Variants in ANTXRL observed in about 807,000 individuals in gnomAD.
ANTXRL encodes ANTXR like.
Under a neutral mutation model 75.4 loss-of-function variants are expected in ANTXRL, and 63 were observed. That is an observed-to-expected ratio of 0.84 (90% confidence interval 0.68 to 1.03). The LOEUF is 1.03. Ranked by LOEUF, ANTXRL falls within the 50% of genes least tolerant of loss-of-function variation. ANTXRL has a pLI of 0.00. For synonymous variants in ANTXRL, 335 were observed against 291.3 expected, an observed-to-expected ratio of 1.15 and a Z score of -1.53; for missense variants, 797 against 789.4, an observed-to-expected ratio of 1.01 and a Z score of -0.12.
At chr10:46,322,668 G>A (rs2132903049) in intron 16 of ANTXRL, among the ~76,000 whole-genome samples, 1 of 152,192 alleles carries the variant, frequency 6.6e-6, no homozygotes, top group South Asian at 2.1e-4. Flanking sequence ...AATAGTAGAA[G>A]CTTCAAAGAC....
intron 16 of ANTXRL, among the ~76,000 whole-genome samples, chr10:46,321,836 A>T (rs1355061906): frequency 6.6e-6 from 1 of 152,068 alleles, no homozygotes; most frequent in Admixed American, 6.6e-5. Flanking sequence ...AGCGTATCTG[A>T]TTATCATCAA....
chr10:46,325,212 C>G (rs1258220757), intron 16 of ANTXRL, among the ~76,000 whole-genome samples: 1 of 152,038 alleles, frequency 6.6e-6, no homozygotes, highest in African/African-American at 2.4e-5. Flanking sequence ...CTCTTGGGTC[C>G]CCTCTAGTGG....
At position 46,309,646 on chromosome 10, in the gene ANTXRL, G is replaced by C. The variant is rs138260229; in HGVS notation, c.1134+444G>C. ...AGGACGCTGTAACCCCCAGCTGTCTGTACCTTGAGGAACCAGTGTGGATCT... is the reference window on the plus strand; with the variant it reads ...AGGACGCTGTAACCCCCAGCTGTCTCTACCTTGAGGAACCAGTGTGGATCT... On this transcript the variant is annotated intron_variant, in intron 13 of 16. Coordinates refer to ENST00000620264, the MANE Select transcript of ANTXRL (RefSeq NM_001278688.3). Among the ~76,000 whole-genome samples, 431 of 152,306 alleles carry C rather than the reference G, an allele frequency of 2.8e-3. 1 individual carries two copies. The highest frequency in any genetic ancestry group is 9.7e-3 in the African/African-American group (402 of 41,538).
intron 3 of ANTXRL, chr10:46,294,228 G>T: frequency 2.6e-6 from 1 of 378,286 alleles, no homozygotes; most frequent in East Asian, 6.3e-5. Flanking sequence ...CAGGGCGGGG[G>T]TGTGTGTCCT....
At chr10:46,320,365 A>G (rs1268281889) in intron 16 of ANTXRL, among the ~76,000 whole-genome samples, 2 of 152,148 alleles carry the variant, frequency 1.3e-5, no homozygotes, top group Non-Finnish European at 2.9e-5. Context: ...CACATTCTCT[A>G]CTGACCCAAT....
intron 2 of ANTXRL, among the ~76,000 whole-genome samples, 156 bp from the exon 3 acceptor site, chr10:46,293,673 G>A (rs1837193087): frequency 6.6e-6 from 1 of 151,974 alleles, no homozygotes; most frequent in African/African-American, 2.4e-5. Flanking sequence ...GTCTCCACAG[G>A]CCTCAGAGTC....
At chr10:46,308,374 C>G (rs1452957875) in intron 12 of ANTXRL, 1 of 417,654 alleles carries the variant, frequency 2.4e-6, no homozygotes, top group Admixed American at 2.5e-5. Context: ...TTCAGCCAGC[C>G]GGGTTCCCAG....
At chr10:46,302,212 C>T (rs1837792646) in intron 9 of ANTXRL, among the ~76,000 whole-genome samples, 1 of 152,296 alleles carries the variant, frequency 6.6e-6, no homozygotes, top group South Asian at 2.1e-4. Context: ...CTGCCTGCCA[C>T]AGGCACACAG....
intron 7 of ANTXRL, 127 bp downstream of exon 7, chr10:46,297,601 C>T: frequency 2.0e-6 from 2 of 975,730 alleles, no homozygotes; most frequent in South Asian, 1.5e-5. Context: ...CTCATGGCCA[C>T]TGCAGAAGTG....
intron 16 of ANTXRL, among the ~76,000 whole-genome samples, chr10:46,315,282 C>T (rs1431688662): frequency 6.6e-6 from 1 of 152,208 alleles, no homozygotes; most frequent in Non-Finnish European, 1.5e-5. Context: ...AGCCAGGGGT[C>T]CCTGAGTGAG....
At chr10:46,309,026 G>T (rs1838265631) in intron 12 of ANTXRL, 87 bp from the exon 13 acceptor site, 1 of 1,520,856 alleles carries the variant, frequency 6.6e-7, no homozygotes. Flanking sequence ...GCTAGGGAGA[G>T]TGAGGAGTGG....
Position 46,309,118 on chromosome 10 carries a change from T to C in ANTXRL, c.1050T>C (p.Ile350=), listed in dbSNP as rs1554962708. The C allele has an allele frequency of 6.5e-7, 1 of 1,535,614 alleles. No individual in the cohort carries two copies. The highest frequency in any genetic ancestry group is 8.7e-7 in the Non-Finnish European group (1 of 1,146,682). ...NVSITSTTCG[I]FRNWLYFVPL... is the part of the protein sequence containing the mutation. The stretch of plus-strand genomic sequence containing the variant: ...GTGCTCTCTTTCTCCACCAGGGCAT[T>C]TTCCGCAACTGGCTCTATTTTGTGC... Residue 350 remains isoleucine (I), a synonymous_variant, in exon 13 of 17, where the codon ATT becomes ATC. Transcript: ENST00000620264.
intron 15 of ANTXRL, 95 bp from the exon 16 acceptor site, chr10:46,313,141 C>T: frequency 8.7e-7 from 1 of 1,150,076 alleles, no homozygotes; most frequent in Non-Finnish European, 1.3e-6. Context: ...GGGTGTTTTC[C>T]TGGGCACAGA....
intron 16 of ANTXRL, among the ~76,000 whole-genome samples, chr10:46,316,263 C>T (rs1312121750): frequency 6.6e-6 from 1 of 152,098 alleles, no homozygotes; most frequent in African/African-American, 2.4e-5. Context: ...ATTTCATTCT[C>T]ACAACACCCA....
intron 9 of ANTXRL, among the ~76,000 whole-genome samples, chr10:46,301,109 A>C (rs1837711267): frequency 6.6e-6 from 1 of 152,114 alleles, no homozygotes; most frequent in Non-Finnish European, 1.5e-5. Context: ...TTGGGGCAGC[A>C]CTCAGCCCTG....
At chr10:46,308,375 G>C (rs566622356) in intron 12 of ANTXRL, 1 of 415,512 alleles carries the variant, frequency 2.4e-6, no homozygotes, top group Admixed American at 2.5e-5. Context: ...TCAGCCAGCC[G>C]GGTTCCCAGC....
chr10:46,306,820 A>T lies in ANTXRL; in HGVS notation c.913A>T (p.Ile305Phe). Residue 305 changes from isoleucine (I) to phenylalanine (F), a missense_variant, in exon 11 of 17, where the codon ATC (isoleucine) becomes TTC (phenylalanine). Ile to Phe is a conservative substitution (Grantham distance 21, BLOSUM62 0). Transcript: ENST00000620264. Reference sequence around the variant, plus strand: ...TCTTTTAGATGAAAAGCCAACCAGTATCGACAATAATTCCATGAATTGCCC... The same window carrying T: ...TCTTTTAGATGAAAAGCCAACCAGTTTCGACAATAATTCCATGAATTGCCC... The part of the protein sequence containing the change: ...STIIDEKPTS[I>F]DNNSMNCPGP... 2 of 1,528,520 alleles carry T rather than the reference A, an allele frequency of 1.3e-6. No homozygotes were observed. Among genetic ancestry groups the T allele is most frequent in the Non-Finnish European group, 8.7e-7 (1 of 1,143,956 alleles). 94.7% of individuals were successfully genotyped at this position (1,528,520 alleles called of 1,614,324 possible).
chr10:46,288,689 G>A (rs1369227830), intron 1 of ANTXRL, among the ~76,000 whole-genome samples: 12 of 152,156 alleles, frequency 7.9e-5, no homozygotes, highest in African/African-American at 2.9e-4. Flanking sequence ...CTTGCCAAGT[G>A]TGATGAGGAT....
intron 16 of ANTXRL, among the ~76,000 whole-genome samples, chr10:46,320,053 C>T (rs1319102481): frequency 6.6e-6 from 1 of 152,130 alleles, no homozygotes; most frequent in Non-Finnish European, 1.5e-5. Context: ...ACTCATGGTT[C>T]ACATCTGGCT....
Sources: allele counts gnomAD v4.1 joint callset (sites outside exome capture counted in the v4.1 genomes callset), GRCh38; gene constraint gnomAD v4.1.1; transcripts MANE v1.5; gene names NCBI Gene and HGNC (gene_info 2026-07-23, HGNC 2026-07-21).